The following MKLN1 variants were observed in gnomAD, a reference collection of about 807,000 sequenced individuals.
MKLN1 encodes muskelin.
Under a neutral mutation model 99.0 loss-of-function variants are expected in MKLN1, and 18 were observed. The ratio of observed to expected loss-of-function variants is 0.18; its 90% CI spans 0.13 to 0.27. The LOEUF (loss-of-function observed/expected upper bound fraction) is 0.27. Among genes scored for constraint, MKLN1 ranks in the 10% least tolerant of loss-of-function variants. MKLN1 has a pLI of 1.00. For synonymous variants in MKLN1, 288 were observed against 293.2 expected (o/e 0.98, Z 0.18); for missense variants, 621 against 875.9 (o/e 0.71, Z 3.67).
intron 2 of MKLN1, among the ~76,000 whole-genome samples, chr7:131,154,916 T>C (rs1013210962): frequency 1.3e-5 from 2 of 152,196 alleles, no homozygotes; most frequent in African/African-American, 2.4e-5. Flanking sequence ...AGAAAGGTTA[T>C]ACCAGGTTAC....
At chr7:131,267,564 A>G (rs1797826185) in intron 3 of MKLN1, among the ~76,000 whole-genome samples, 3 of 152,142 alleles carry the variant, frequency 2.0e-5, no homozygotes, top group Admixed American at 2.0e-4. Context: ...GGCCCCTGCT[A>G]AACTTCATTT....
At chr7:131,126,199 A>C (rs1795455644) in intron 1 of MKLN1, among the ~76,000 whole-genome samples, 1 of 152,164 alleles carries the variant, frequency 6.6e-6, no homozygotes, top group Non-Finnish European at 1.5e-5. Context: ...TTCAAAAAGG[A>C]GGGCTCAGAT....
intron 1 of MKLN1, among the ~76,000 whole-genome samples, chr7:131,120,677 G>A (rs1239360756): frequency 6.6e-6 from 1 of 152,002 alleles, no homozygotes; most frequent in Non-Finnish European, 1.5e-5. Flanking sequence ...CTTTCCTAAA[G>A]CATAGCAAGA....
intron 3 of MKLN1, chr7:131,242,754 G>C (rs1302413267): frequency 1.4e-6 from 1 of 695,426 alleles, no homozygotes; most frequent in African/African-American, 1.8e-5. Flanking sequence ...CAAAGTGACA[G>C]CTGCCATGGG....
intron 8 of MKLN1, among the ~76,000 whole-genome samples, chr7:131,423,571 A>G (rs1014337101): frequency 6.6e-6 from 1 of 152,188 alleles, no homozygotes; most frequent in African/African-American, 2.4e-5. Flanking sequence ...ACCTCAGGTG[A>G]TCCGCCTGCC....
intron 1 of MKLN1, among the ~76,000 whole-genome samples, chr7:131,355,192 C>T (rs1006646506): frequency 1.3e-5 from 2 of 152,142 alleles, no homozygotes; most frequent in Admixed American, 6.5e-5. Flanking sequence ...CTGACAGGGT[C>T]TAGTCTTCTC....
chr7:131,356,723 C>A (rs1799893638), intron 1 of MKLN1, among the ~76,000 whole-genome samples: 1 of 152,198 alleles, frequency 6.6e-6, no homozygotes, highest in Non-Finnish European at 1.5e-5. Flanking sequence ...CAGTATTCTT[C>A]ATCGAGGATT....
intron 6 of MKLN1, among the ~76,000 whole-genome samples, chr7:131,405,967 A>G (rs1157729224): frequency 6.6e-6 from 1 of 152,122 alleles, no homozygotes; most frequent in Non-Finnish European, 1.5e-5. Flanking sequence ...ATCTTTATCA[A>G]TAAGAATTTT....
At chr7:131,126,985 G>A (rs1009921199) in intron 1 of MKLN1, among the ~76,000 whole-genome samples, 1 of 152,068 alleles carries the variant, frequency 6.6e-6, no homozygotes, top group Non-Finnish European at 1.5e-5. Flanking sequence ...GACCAACATG[G>A]AAAAACTCCG....
intron 1 of MKLN1, among the ~76,000 whole-genome samples, chr7:131,364,383 A>G (rs1225062219): frequency 2.6e-5 from 4 of 152,120 alleles, no homozygotes; most frequent in Non-Finnish European, 5.9e-5. Context: ...ATTGGGAGAG[A>G]ATGCCCCAAG....
chr7:131,278,732 A>ACAGGCATGCAC (rs1352012095), intron 3 of MKLN1, among the ~76,000 whole-genome samples: 2 of 151,626 alleles, frequency 1.3e-5, no homozygotes, highest in Non-Finnish European at 2.9e-5. Context: ...AGCTAGGACT[A>ACAGGCATGCAC]CAGGCATGCA....
chr7:131,413,975 G>C (rs1177531921), intron 7 of MKLN1, among the ~76,000 whole-genome samples: 1 of 152,124 alleles, frequency 6.6e-6, no homozygotes, highest in Non-Finnish European at 1.5e-5. Context: ...ATGGAAATAA[G>C]AATCAAAGTG....
intron 1 of MKLN1, among the ~76,000 whole-genome samples, chr7:131,347,231 T>G (rs1799589496): frequency 6.6e-6 from 1 of 152,142 alleles, no homozygotes; most frequent in Non-Finnish European, 1.5e-5. Context: ...AAAGAAAGGC[T>G]CAGTTGAAGT....
intron 1 of MKLN1, among the ~76,000 whole-genome samples, chr7:131,349,389 G>GT (rs1345460764): frequency 6.6e-6 from 1 of 152,126 alleles, no homozygotes; most frequent in East Asian, 1.9e-4. Flanking sequence ...TAGAGACGGG[G>GT]TTTCACCATG....
chr7:131,144,837 C>T (rs913818780), intron 2 of MKLN1, among the ~76,000 whole-genome samples: 4 of 151,948 alleles, frequency 2.6e-5, no homozygotes, highest in Non-Finnish European at 5.9e-5. Context: ...ATTAGCCAGG[C>T]GTGGTGGCAC....
chr7:131,337,706 CTT>C (rs1352388623), intron 1 of MKLN1, among the ~76,000 whole-genome samples: 1 of 150,944 alleles, frequency 6.6e-6, no homozygotes, highest in African/African-American at 2.4e-5. Flanking sequence ...GATTTTGCAT[CTT>C]GTTAGGCCAA....
chr7:131,201,509 C>T lies in MKLN1; in HGVS notation c.-296-1348C>T, dbSNP rs370622398. Among the ~76,000 whole-genome samples, 13 of 152,318 alleles carry T rather than the reference C, an allele frequency of 8.5e-5. No individual in the cohort carries two copies. The East Asian group carries it at 2.5e-3, about 29-fold the overall frequency. On this transcript the variant is annotated intron_variant, in intron 2 of 7. Coordinates refer to the MKLN1 transcript ENST00000416992. ...TGAAGAATTTCCAAGAAGAAGGCTA[C>T]TACTTCTAGGCACCTTGGTAAACTC...
At chr7:131,470,786 A>C (rs986401325) in intron 15 of MKLN1, 56 bp from the exon 16 acceptor site, 5 of 1,125,174 alleles carry the variant, frequency 4.4e-6, no homozygotes, top group Non-Finnish European at 6.8e-6. Context: ...GGTCTGAAAG[A>C]CATTTCTGAT....
At chr7:131,374,618 C>G (rs1215634547) in intron 1 of MKLN1, among the ~76,000 whole-genome samples, 1 of 152,102 alleles carries the variant, frequency 6.6e-6, no homozygotes, top group Non-Finnish European at 1.5e-5. Flanking sequence ...TTTACCAAAT[C>G]AAGCAGTGTT....
Sources: allele counts gnomAD v4.1 joint callset (sites outside exome capture counted in the v4.1 genomes callset), GRCh38; gene constraint gnomAD v4.1.1; transcripts MANE v1.5; gene names NCBI Gene and HGNC (gene_info 2026-07-23, HGNC 2026-07-21).